Variants in TAFA4 observed in about 807,000 individuals in gnomAD.
TAFA4 encodes TAFA chemokine like family member 4, also known as chemokine-like protein TAFA-4.
A neutral mutation model predicts 21.1 loss-of-function variants in TAFA4; 20 were observed. That is an observed-to-expected ratio of 0.95 (90% CI 0.67 to 1.38). TAFA4 has a LOEUF of 1.38. Among genes scored for constraint, TAFA4 ranks in the 40% most tolerant of loss-of-function variants. TAFA4 has a pLI of 0.00. For synonymous variants in TAFA4, 71 were observed against 67.4 expected, an observed-to-expected ratio of 1.05 and a Z score of -0.26; for missense variants, 211 against 180.9, an observed-to-expected ratio of 1.17 and a Z score of -0.95.
intron 3 of TAFA4, among the ~76,000 whole-genome samples, chr3:68,818,630 T>G (rs908885893): frequency 6.6e-6 from 1 of 152,170 alleles, no homozygotes; most frequent in African/African-American, 2.4e-5. Flanking sequence ...GTGGCCTAAT[T>G]GTAATATTAT....
intron 1 of TAFA4, among the ~76,000 whole-genome samples, chr3:68,904,862 C>G (rs1482486849): frequency 6.6e-6 from 1 of 152,152 alleles, no homozygotes; most frequent in Non-Finnish European, 1.5e-5. Context: ...TGGGGAATGC[C>G]CAGTGAGGAA....
At chr3:68,878,027 G>A (rs569748108) in intron 3 of TAFA4, among the ~76,000 whole-genome samples, 62 of 152,204 alleles carry the variant, frequency 4.1e-4, no homozygotes, top group Non-Finnish European at 6.9e-4. Context: ...CAGCCAGGAT[G>A]TACCAGAACC....
chr3:68,792,570 A>C (rs541113643), intron 3 of TAFA4, among the ~76,000 whole-genome samples: 1 of 152,212 alleles, frequency 6.6e-6, no homozygotes, highest in African/African-American at 2.4e-5. Flanking sequence ...CAGATACAAA[A>C]TATGACACAC....
chr3:68,849,641 C>T (rs765230472), intron 3 of TAFA4, among the ~76,000 whole-genome samples: 1 of 152,190 alleles, frequency 6.6e-6, no homozygotes, highest in East Asian at 1.9e-4. Context: ...AGAACCACCA[C>T]CTAACCAGGT....
chr3:68,772,013 A>C (rs1702966655), intron 3 of TAFA4, among the ~76,000 whole-genome samples: 1 of 150,926 alleles, frequency 6.6e-6, no homozygotes, highest in Admixed American at 6.6e-5. Flanking sequence ...TAAGTATAAA[A>C]GGGAGGGATG....
chr3:68,893,429 G>A (rs2089753441), intron 1 of TAFA4, among the ~76,000 whole-genome samples: 1 of 152,138 alleles, frequency 6.6e-6, no homozygotes, highest in East Asian at 1.9e-4. Flanking sequence ...ATAATATCTT[G>A]CATACCGTGG....
intron 2 of TAFA4, among the ~76,000 whole-genome samples, chr3:68,884,283 G>C (rs183183936): frequency 6.6e-6 from 1 of 152,146 alleles, no homozygotes; most frequent in Non-Finnish European, 1.5e-5. Flanking sequence ...TCAAGGAAAC[G>C]CAACAGCTGG....
chr3:68,802,859 T>C (rs1031187397), intron 3 of TAFA4, among the ~76,000 whole-genome samples: 1 of 152,238 alleles, frequency 6.6e-6, no homozygotes, highest in Non-Finnish European at 1.5e-5. Context: ...GTTAGGAAGT[T>C]GGCCTTTCAA....
At chr3:68,746,574 TAA>T (rs1286186333) in intron 4 of TAFA4, among the ~76,000 whole-genome samples, 1 of 152,202 alleles carries the variant, frequency 6.6e-6, no homozygotes. Context: ...ATTAAGCCAT[TAA>T]CTTTTATATT....
At chr3:68,768,812 C>T (rs1702902458) in intron 3 of TAFA4, among the ~76,000 whole-genome samples, 1 of 152,090 alleles carries the variant, frequency 6.6e-6, no homozygotes, top group African/African-American at 2.4e-5. Flanking sequence ...ATCTGGAAGA[C>T]ATTATGTTAA....
chr3:68,759,452 G>T (rs1223891033), intron 3 of TAFA4, among the ~76,000 whole-genome samples: 1 of 152,144 alleles, frequency 6.6e-6, no homozygotes, highest in Non-Finnish European at 1.5e-5. Flanking sequence ...TGAAATGCAA[G>T]AAACTAGCAG....
chr3:68,759,586 C>T (rs904647008), intron 3 of TAFA4, among the ~76,000 whole-genome samples: 2 of 152,130 alleles, frequency 1.3e-5, no homozygotes, highest in African/African-American at 4.8e-5. Flanking sequence ...AATTTTTCCT[C>T]TAAAACAGCA....
chr3:68,754,090 C>A (rs1163977541), intron 3 of TAFA4, among the ~76,000 whole-genome samples: 3 of 152,138 alleles, frequency 2.0e-5, no homozygotes, highest in Non-Finnish European at 4.4e-5. Flanking sequence ...TTTTTCTAAG[C>A]CATTTGAGAG....
At chr3:68,812,053 A>T (rs1703853547) in intron 3 of TAFA4, among the ~76,000 whole-genome samples, 1 of 152,206 alleles carries the variant, frequency 6.6e-6, no homozygotes. Flanking sequence ...TTCAACCCAG[A>T]ATTTCATATC....
intron 4 of TAFA4, among the ~76,000 whole-genome samples, chr3:68,747,051 A>G (rs1559757334): frequency 1.3e-5 from 2 of 152,316 alleles, no homozygotes; most frequent in East Asian, 1.9e-4. Context: ...TGAGAAACTG[A>G]TCTACAGTTT....
chr3:68,822,593 T>C (rs949371783), intron 3 of TAFA4, among the ~76,000 whole-genome samples: 2 of 152,156 alleles, frequency 1.3e-5, no homozygotes, highest in Non-Finnish European at 2.9e-5. Flanking sequence ...CACCTCGGCC[T>C]CCCGAGTAGC....
intron 3 of TAFA4, among the ~76,000 whole-genome samples, chr3:68,862,730 T>C (rs140336764): frequency 2.0e-5 from 3 of 152,108 alleles, no homozygotes; most frequent in African/African-American, 4.8e-5. Flanking sequence ...CCCCTTGGGC[T>C]GGTACCGTCT....
intron 1 of TAFA4, among the ~76,000 whole-genome samples, chr3:68,893,250 T>C (rs1484700406): frequency 6.6e-6 from 1 of 152,210 alleles, no homozygotes; most frequent in East Asian, 1.9e-4. Flanking sequence ...AGTTTTTACA[T>C]GATAGGATCT....
chr3:68,826,474 G>T (rs1446764688), intron 3 of TAFA4, among the ~76,000 whole-genome samples: 2 of 151,532 alleles, frequency 1.3e-5, no homozygotes, highest in Non-Finnish European at 1.5e-5. Flanking sequence ...TTGGGAGGCT[G>T]AGGCAGGAGA....
Sources: allele counts gnomAD v4.1 joint callset (sites outside exome capture counted in the v4.1 genomes callset), GRCh38; gene constraint gnomAD v4.1.1; transcripts MANE v1.5; gene names NCBI Gene and HGNC (gene_info 2026-07-23, HGNC 2026-07-21).